Variants in STK39 observed in about 807,000 individuals in gnomAD.
STK39 encodes the protein STE20/SPS1-related proline-alanine-rich protein kinase.
STK39 carries 20 observed loss-of-function variants against 77.8 expected under a neutral mutation model. That is an observed-to-expected ratio of 0.26 (90% CI 0.18 to 0.37). STK39 has a LOEUF of 0.37. Among genes scored for constraint, STK39 ranks in the 10% least tolerant of loss-of-function variants. The pLI is 1.00. For missense variants in STK39, 479 were observed against 656.5 expected (o/e 0.73, Z 2.95); for synonymous variants, 246 against 234.1 (o/e 1.05, Z -0.47).
At chr2:167,959,952 C>T (rs1241753189) in intron 17 of STK39, among the ~76,000 whole-genome samples, 1 of 152,176 alleles carries the variant, frequency 6.6e-6, no homozygotes, top group Admixed American at 6.5e-5. Context: ...CTCAGGGAAA[C>T]TCAGAAGTTT....
intron 12 of STK39, among the ~76,000 whole-genome samples, chr2:168,072,875 G>A (rs751006383): frequency 1.4e-4 from 22 of 152,180 alleles, no homozygotes; most frequent in Non-Finnish European, 3.1e-4. Context: ...AGGAATGGGT[G>A]TCAAAAAACT....
rs192142403 is a variant in STK39, at chr2:168,228,306, A to G, written c.208+18922T>C. Among the ~76,000 whole-genome samples the G allele has an allele frequency of 5.9e-5, 9 of 152,346 alleles. No individual in the cohort carries two copies. The East Asian group carries it at 1.7e-3, about 29-fold the overall frequency. On this transcript the variant is annotated intron_variant, in intron 1 of 17. Transcript: ENST00000355999. ...AAAGTACTGGGAATACAAAAAAGGT[A>G]GACATTTCTAAAAATATCAATTTAC...
chr2:168,181,025 A>G (rs939585643), intron 2 of STK39, among the ~76,000 whole-genome samples: 4 of 152,218 alleles, frequency 2.6e-5, no homozygotes, highest in African/African-American at 9.6e-5. Flanking sequence ...GTAAAGACAA[A>G]AAGCTGTTGT....
intron 17 of STK39, among the ~76,000 whole-genome samples, chr2:167,963,175 G>C (rs2105527898): frequency 6.6e-6 from 1 of 152,272 alleles, no homozygotes; most frequent in Middle Eastern, 3.4e-3. Context: ...TTGGGTGCAG[G>C]AAATGGAGAT....
rs201651502 is a variant in STK39 at position 168,012,630 on chromosome 2, T to G, written c.1498+4A>C. ...ATGACAGTGCATACTAAAAAACAAT[T>G]TACCTATAACTACATCGTGACCATC... On this transcript the variant is annotated splice_donor_region_variant and intron_variant, in intron 16 of 17. Transcript: ENST00000355999. 3.3e-5 allele frequency: 53 copies of G among 1,612,716 alleles called. No homozygotes were observed. The highest frequency in any genetic ancestry group is 3.4e-6 in the Non-Finnish European group (4 of 1,179,408).
At chr2:168,155,127 C>T (rs947097025) in intron 5 of STK39, among the ~76,000 whole-genome samples, 1 of 152,172 alleles carries the variant, frequency 6.6e-6, no homozygotes, top group Non-Finnish European at 1.5e-5. Flanking sequence ...CCCTGTCCCC[C>T]CTGCAGCTAA....
intron 1 of STK39, among the ~76,000 whole-genome samples, chr2:168,215,563 C>T (rs1274324147): frequency 6.6e-6 from 1 of 152,200 alleles, no homozygotes; most frequent in Non-Finnish European, 1.5e-5. Flanking sequence ...TCCCAAACAT[C>T]AACATGTCAC....
chr2:168,197,264 A>C (rs1186242316), intron 1 of STK39, among the ~76,000 whole-genome samples: 1 of 152,246 alleles, frequency 6.6e-6, no homozygotes, highest in Non-Finnish European at 1.5e-5. Context: ...TTAAATGCAA[A>C]GGAGGAGACA....
At chr2:168,017,377 A>ATTTTTTTT (rs386391743) in intron 14 of STK39, among the ~76,000 whole-genome samples, 2 of 93,592 alleles carry the variant, frequency 2.1e-5, no homozygotes, top group Admixed American at 1.2e-4. Flanking sequence ...GGAAACCTTA[A>ATTTTTTTT]TTTTTTTTTT....
At chr2:167,959,132 A>T (rs367837779) in intron 17 of STK39, among the ~76,000 whole-genome samples, 1 of 133,844 alleles carries the variant, frequency 7.5e-6, no homozygotes. Context: ...ATTTATTTAT[A>T]TTTTTTGAGA....
intron 16 of STK39, among the ~76,000 whole-genome samples, chr2:167,983,469 A>AAC (rs1683479663): frequency 9.2e-6 from 1 of 108,612 alleles, no homozygotes; most frequent in African/African-American, 3.8e-5. Flanking sequence ...AAAAAAAAAA[A>AAC]AGAAATGAAA....
intron 14 of STK39, among the ~76,000 whole-genome samples, chr2:168,051,513 A>G (rs957171992): frequency 1.3e-5 from 2 of 152,206 alleles, no homozygotes; most frequent in African/African-American, 4.8e-5. Context: ...AAGACACGAG[A>G]GTCCCCAAAA....
chr2:168,207,397 G>A (rs1385053059), intron 1 of STK39, among the ~76,000 whole-genome samples: 1 of 152,050 alleles, frequency 6.6e-6, no homozygotes, highest in Admixed American at 6.6e-5. Flanking sequence ...ATAAATATAC[G>A]ATAGGCCTCC....
intron 10 of STK39, among the ~76,000 whole-genome samples, chr2:168,101,571 C>G (rs1003082471): frequency 6.6e-6 from 1 of 151,950 alleles, no homozygotes; most frequent in Non-Finnish European, 1.5e-5. Context: ...AACCCCATCT[C>G]TACTAAACAT....
At chr2:168,109,648 G>T (rs1182402542) in intron 10 of STK39, among the ~76,000 whole-genome samples, 1 of 152,190 alleles carries the variant, frequency 6.6e-6, no homozygotes, top group Non-Finnish European at 1.5e-5. Flanking sequence ...GTCCAAATTG[G>T]TTGTGCCAGT....
chr2:168,222,643 A>T (rs1194874323), intron 1 of STK39, among the ~76,000 whole-genome samples: 1 of 152,208 alleles, frequency 6.6e-6, no homozygotes, highest in Non-Finnish European at 1.5e-5. Flanking sequence ...ATAAATAGGT[A>T]AAAAGTAATC....
chr2:168,160,950 G>T (rs77278474), intron 5 of STK39, among the ~76,000 whole-genome samples: 1 of 150,448 alleles, frequency 6.6e-6, no homozygotes. Flanking sequence ...GGGTGGGGGT[G>T]GGGGGCAGCA....
chr2:168,130,201 T>C (rs1259332186), intron 8 of STK39, among the ~76,000 whole-genome samples: 2 of 152,218 alleles, frequency 1.3e-5, no homozygotes, highest in Non-Finnish European at 2.9e-5. Context: ...CCACACATCG[T>C]GTCCACGCTC....
intron 8 of STK39, among the ~76,000 whole-genome samples, chr2:168,131,807 T>C (rs2105511231): frequency 6.6e-6 from 1 of 152,348 alleles, no homozygotes; most frequent in South Asian, 2.1e-4. Flanking sequence ...TCAACTTTAG[T>C]TGTTATTTTA....
Sources: gnomAD v4.1 joint callset for allele counts (sites outside exome capture counted in the v4.1 genomes callset) on GRCh38, gnomAD v4.1.1 for gene constraint, MANE v1.5 for transcripts, NCBI Gene and HGNC (gene_info 2026-07-23, HGNC 2026-07-21) for gene names.